Variants in CDK17 observed in about 807,000 individuals in gnomAD.
CDK17 encodes cyclin dependent kinase 17, also known as cyclin-dependent kinase 17.
Under a neutral mutation model 77.6 loss-of-function variants are expected in CDK17, and 24 were observed. The observed-to-expected ratio is 0.31, with a 90% CI of 0.22 to 0.44. CDK17 has a LOEUF of 0.44. Ranked by LOEUF, CDK17 falls within the 20% of genes least tolerant of loss-of-function variation. The pLI is 1.00. For synonymous variants in CDK17, 203 were observed against 210.4 expected (o/e 0.96, Z 0.30); for missense variants, 429 against 622.5 (o/e 0.69, Z 3.31).
At chr12:96,345,292 C>A (rs1024333289) in intron 1 of CDK17, among the ~76,000 whole-genome samples, 1 of 152,194 alleles carries the variant, frequency 6.6e-6, no homozygotes, top group Non-Finnish European at 1.5e-5. Flanking sequence ...TGAACATACA[C>A]ATGCATGTAT....
intron 5 of CDK17, among the ~76,000 whole-genome samples, chr12:96,306,094 G>C (rs1309489290): frequency 6.6e-6 from 1 of 152,154 alleles, no homozygotes; most frequent in Non-Finnish European, 1.5e-5. Flanking sequence ...ATCAGAGAAA[G>C]ACAGTGGGAT....
chr12:96,380,793 T>C (rs981248881), intron 1 of CDK17, among the ~76,000 whole-genome samples: 3 of 152,218 alleles, frequency 2.0e-5, no homozygotes, highest in Non-Finnish European at 2.9e-5. Flanking sequence ...CTCTTTGACC[T>C]CATTTCCTGC....
At chr12:96,360,664 C>T (rs1953479219) in intron 1 of CDK17, among the ~76,000 whole-genome samples, 1 of 152,140 alleles carries the variant, frequency 6.6e-6, no homozygotes, top group Non-Finnish European at 1.5e-5. Flanking sequence ...ATGAGAAACA[C>T]TACAGAAAAG....
At chr12:96,376,487 C>T (rs1296487606) in intron 1 of CDK17, among the ~76,000 whole-genome samples, 1 of 152,186 alleles carries the variant, frequency 6.6e-6, no homozygotes, top group Admixed American at 6.5e-5. Flanking sequence ...ATATACTCAA[C>T]AGATAATTTT....
rs1255337861 is a variant in CDK17 at position 96,311,074 on chromosome 12, C to T, written c.521G>A (p.Arg174Gln). The T allele has an allele frequency of 1.9e-6, 3 of 1,601,110 alleles. No homozygotes were observed. The highest frequency in any genetic ancestry group is 1.4e-5 in the African/African-American group (1 of 73,732). Residue 174 changes from arginine to glutamine, a missense_variant, in exon 5 of 17, where the codon CGA becomes CAA. This residue lies in a region of CDK17 where 262 missense variants were observed against 385.4 expected (regional missense o/e 0.68). Transcript: ENST00000261211. The part of the protein sequence containing the change: ...NSPPFDQPMS[R>Q]RSRRASLSEI... ...TACTAAGGAAGCTCTACGAGACCTT[C>T]GACTCATTGGTTGGTCAAATGGTGG...
At chr12:96,300,121 G>C (rs1952475696) in intron 6 of CDK17, among the ~76,000 whole-genome samples, 183 bp downstream of exon 6, 1 of 151,944 alleles carries the variant, frequency 6.6e-6, no homozygotes, top group African/African-American at 2.4e-5. Flanking sequence ...CAAACTGATG[G>C]GATAATTTCA....
chr12:96,361,489 T>C (rs957195885), intron 1 of CDK17, among the ~76,000 whole-genome samples: 1 of 152,224 alleles, frequency 6.6e-6, no homozygotes, highest in African/African-American at 2.4e-5. Flanking sequence ...AGTCTGAAGC[T>C]GAAGGAAAAT....
chr12:96,326,535 T>C (rs1952893750), intron 2 of CDK17, among the ~76,000 whole-genome samples: 1 of 152,196 alleles, frequency 6.6e-6, no homozygotes, highest in South Asian at 2.1e-4. Context: ...AAAAAGCTAA[T>C]GAAAAGCCGA....
At chr12:96,321,815 G>T (rs1178707518) in intron 3 of CDK17, among the ~76,000 whole-genome samples, 1 of 114,094 alleles carries the variant, frequency 8.8e-6, no homozygotes, top group Non-Finnish European at 1.8e-5. Context: ...GTGGTGGGGT[G>T]GGGGGAGGGG....
chr12:96,319,171 C>T (rs990253262), intron 3 of CDK17, among the ~76,000 whole-genome samples: 1 of 151,560 alleles, frequency 6.6e-6, no homozygotes, highest in African/African-American at 2.4e-5. Flanking sequence ...CTACAAACAC[C>T]TGTACGCAAA....
At chr12:96,297,419 TG>T in intron 8 of CDK17, 87 bp from the exon 9 acceptor site, 2 of 930,298 alleles carry the variant, frequency 2.1e-6, no homozygotes, top group Non-Finnish European at 3.3e-6. Flanking sequence ...CAAAATTAGT[TG>T]TTTTTCAAGA....
chr12:96,313,512 T>C, intron 3 of CDK17, 58 bp from the exon 4 acceptor site: 7 of 984,328 alleles, frequency 7.1e-6, no homozygotes, highest in African/African-American at 1.7e-5. Flanking sequence ...TATAATTTAT[T>C]ATCACTATGG....
At chr12:96,289,135 TATAA>T in intron 11 of CDK17, 28 bp downstream of exon 11, 1 of 1,609,914 alleles carries the variant, frequency 6.2e-7, no homozygotes, top group South Asian at 1.1e-5. Flanking sequence ...CTTTCAAAAT[TATAA>T]ATGTCAGTGA....
At chr12:96,303,814 A>G (rs1008830224) in intron 5 of CDK17, among the ~76,000 whole-genome samples, 3 of 152,130 alleles carry the variant, frequency 2.0e-5, no homozygotes, top group African/African-American at 7.2e-5. Flanking sequence ...CACAGGCTGG[A>G]GATGCTGTTC....
At chr12:96,387,946 A>G in intron 1 of CDK17, among the ~76,000 whole-genome samples, 1 of 152,062 alleles carries the variant, frequency 6.6e-6, no homozygotes, top group East Asian at 1.9e-4. Flanking sequence ...TTTTCTCTAA[A>G]AAAAAATAAT....
intron 5 of CDK17, among the ~76,000 whole-genome samples, chr12:96,301,020 A>G (rs1952492265): frequency 6.6e-6 from 1 of 152,198 alleles, no homozygotes; most frequent in African/African-American, 2.4e-5. Flanking sequence ...TTTTTAACAA[A>G]ATTGCAAAAT....
chr12:96,339,951 A>G (rs183199883), intron 1 of CDK17, among the ~76,000 whole-genome samples: 14 of 152,216 alleles, frequency 9.2e-5, no homozygotes, highest in African/African-American at 3.4e-4. Flanking sequence ...ATAAAATAAA[A>G]TAATGTTGAA....
At chr12:96,368,818 G>GC (rs1953640294) in intron 1 of CDK17, among the ~76,000 whole-genome samples, 1 of 95,514 alleles carries the variant, frequency 1.0e-5, no homozygotes, top group Non-Finnish European at 2.2e-5. Context: ...GGGGGGGGGG[G>GC]GGGGGGCACA....
intron 16 of CDK17, 26 bp downstream of exon 16, chr12:96,280,782 C>G: frequency 1.2e-6 from 2 of 1,608,544 alleles, no homozygotes; most frequent in Admixed American, 1.7e-5. Flanking sequence ...ATGATCGACA[C>G]GTGAAATGGT....
Sources: gnomAD v4.1 joint callset for allele counts (sites outside exome capture counted in the v4.1 genomes callset) on GRCh38, gnomAD v4.1.1 for gene constraint, gnomAD v4.1.1 regional missense constraint, MANE v1.5 for transcripts, NCBI Gene and HGNC (gene_info 2026-07-23, HGNC 2026-07-21) for gene names.